The following KIRREL2 variants were observed in gnomAD, a reference collection of about 807,000 sequenced individuals.
KIRREL2 encodes the protein kin of IRRE-like protein 2.
In KIRREL2, 56 loss-of-function variants were observed where a neutral mutation model predicts 73.4. That is an observed-to-expected ratio of 0.76 (90% CI 0.62 to 0.95). The LOEUF (loss-of-function observed/expected upper bound fraction) is 0.95, where lower values mean the gene tolerates loss of function less well. Ranked by LOEUF, KIRREL2 falls within the 40% of genes least tolerant of loss-of-function variation. The pLI, the probability that KIRREL2 is intolerant of heterozygous loss-of-function variation, is 0.00. For synonymous variants in KIRREL2, 407 were observed against 404.0 expected, an observed-to-expected ratio of 1.01 and a Z score of -0.09; for missense variants, 896 against 935.0, an observed-to-expected ratio of 0.96 and a Z score of 0.54.
At chr19:35,854,131 C>T (rs1027975032), upstream of KIRREL2, among the ~76,000 whole-genome samples, 1 of 151,738 alleles carries the variant, frequency 6.6e-6, no homozygotes. Flanking sequence ...AGGTGGGAGC[C>T]GCTGCACCCC....
At chr19:35,859,703 T>C (rs1973582083) in intron 5 of KIRREL2, 72 bp downstream of exon 5, 10 of 1,554,070 alleles carry the variant, frequency 6.4e-6, no homozygotes, top group South Asian at 3.5e-5. Context: ...GAGGGGACTG[T>C]GGCCCTTGGG....
rs762984493 is a variant in KIRREL2 at position 35,857,089 on chromosome 19, G to A, written c.-31G>A. The stretch of plus-strand genomic sequence containing the variant: ...AAGAAGTTGACGGGAAGGCCAGTGC[G>A]ACGGCAAATCTCGTGAACCTTGGGG... On this transcript the variant is annotated 5_prime_UTR_variant, in exon 1 of 15. Coordinates refer to ENST00000360202, the MANE Select transcript of KIRREL2 (RefSeq NM_199180.4). 2.5e-6 allele frequency: 4 copies of A among 1,613,418 alleles called. No homozygotes were observed. The highest frequency in any genetic ancestry group is 1.1e-5 in the South Asian group (1 of 91,074).
At chr19:35,864,793 A>G in intron 14 of KIRREL2, 80 bp downstream of exon 14, 1 of 1,099,234 alleles carries the variant, frequency 9.1e-7, no homozygotes, top group Non-Finnish European at 1.4e-6. Flanking sequence ...TCTCTCTCCC[A>G]CGCCTGTCCC....
Position 35,861,018 on chromosome 19 carries a change from C to G in KIRREL2, c.1038C>G (p.Thr346=). 1 of 1,611,906 alleles carries G rather than the reference C, an allele frequency of 6.2e-7. No homozygotes were observed. Among genetic ancestry groups the G allele is most frequent in the Admixed American group, 1.7e-5 (1 of 59,466 alleles). The change falls in exon 8 of 15, where the codon ACC becomes ACG. Residue 346 remains threonine, a synonymous_variant. Transcript: ENST00000360202. The part of the protein sequence containing the change: ...RGNPLPRVTW[T]RRGGAQVLGS... ...ACCCGCTTCCACGGGTAACCTGGAC[C>G]CGCCGCGGTGGCGCGCAGGTACAGC... is the stretch of plus-strand genomic sequence containing the variant.
upstream of KIRREL2, chr19:35,851,930 C>T: frequency 1.9e-6 from 2 of 1,076,110 alleles, no homozygotes; most frequent in South Asian, 1.3e-5. Flanking sequence ...GTGTCTCTGC[C>T]ACCTGCTTTT....
chr19:35,854,702 T>C (rs751442453), upstream of KIRREL2, among the ~76,000 whole-genome samples: 1 of 152,182 alleles, frequency 6.6e-6, no homozygotes, highest in Non-Finnish European at 1.5e-5. Flanking sequence ...AGTCAATCTT[T>C]ATTTCACTGT....
upstream of KIRREL2, among the ~76,000 whole-genome samples, chr19:35,855,200 G>A (rs1288553563): frequency 1.3e-5 from 2 of 152,002 alleles, no homozygotes; most frequent in Non-Finnish European, 2.9e-5. Context: ...GAAATGGGCT[G>A]GATGCCGAGC....
chr19:35,858,327 G>A, intron 2 of KIRREL2, 81 bp from the exon 3 acceptor site: 1 of 1,523,384 alleles, frequency 6.6e-7, no homozygotes, highest in Non-Finnish European at 9.0e-7. Flanking sequence ...CCAGTTTTCT[G>A]GTGGAGGATG....
Position 35,862,958 on chromosome 19 carries a change from G to A in KIRREL2, c.1647G>A (p.Leu549=). ...CCTCTTTCTCCGAGCAAAAGAACCT[G>A]ATGCGAATCCCTGGCAGCAGCGACG... ...ASASFSEQKN[L]MRIPGSSDGS... is the part of the protein sequence containing the mutation. Residue 549 remains leucine, a synonymous_variant, in exon 13 of 15, where the codon CTG becomes CTA. Transcript: ENST00000360202. The A allele has an allele frequency of 6.3e-7, 1 of 1,586,742 alleles. No individual in the cohort carries two copies. The highest frequency in any genetic ancestry group is 1.2e-5 in the South Asian group (1 of 86,682).
Position 35,860,530 on chromosome 19 carries a change from G to A in KIRREL2, c.791G>A (p.Gly264Glu). Residue 264 changes from glycine to glutamate, a missense_variant, in exon 7 of 15, where the codon GGG becomes GAG. Transcript: ENST00000360202. ...PPVTGYRWAK[G>E]GSPVLGARGP... ...CACCATTTCCTCAGGTGGGCAAAAG[G>A]GGGCTCTCCGGTGCTCGGGGCCCGC... 6.2e-7 allele frequency: 1 copy of A among 1,602,966 alleles called. No homozygotes were observed. The highest frequency in any genetic ancestry group is 8.5e-7 in the Non-Finnish European group (1 of 1,179,894).
At position 35,866,143 on chromosome 19, in the gene KIRREL2, A is replaced by T; in HGVS notation, c.1792-14A>T. 6.3e-7 allele frequency: 1 copy of T among 1,593,280 alleles called. No individual in the cohort carries two copies. Among genetic ancestry groups the T allele is most frequent in the Non-Finnish European group, 8.5e-7 (1 of 1,175,004 alleles). On this transcript the variant is annotated splice_polypyrimidine_tract_variant and intron_variant, in intron 14 of 14. Transcript: ENST00000360202. ...ACGCTCACAGACTTTACTGAGTCCC[A>T]TTTGTCCCCTCAGGACCCAACCAAC...
At position 35,860,407 on chromosome 19, in the gene KIRREL2, G is replaced by A; in HGVS notation, c.779+5G>A. 1.2e-6 allele frequency: 2 copies of A among 1,612,240 alleles called. No individual in the cohort carries two copies. Among genetic ancestry groups the A allele is most frequent in the South Asian group, 2.2e-5 (2 of 91,058 alleles). On this transcript the variant is annotated splice_donor_5th_base_variant and intron_variant, in intron 6 of 14. Transcript: ENST00000360202. ...GCCTCCTGTCACAGGCTACAGGTGA[G>A]GACGAAGACCCACCTCTCCCCAGCC...
At chr19:35,857,223 G>T in intron 1 of KIRREL2, 43 bp downstream of exon 1, 1 of 1,496,066 alleles carries the variant, frequency 6.7e-7, no homozygotes, top group South Asian at 1.1e-5. Context: ...TGGGGGTGGG[G>T]AGTTGCTTGC....
upstream of KIRREL2, chr19:35,851,883 C>G (rs370444295): frequency 4.6e-6 from 7 of 1,518,994 alleles, no homozygotes; most frequent in Admixed American, 7.9e-5. Flanking sequence ...CTGCCAGCCA[C>G]CTGCGTCTGT....
rs1163919588 is a variant in KIRREL2 at position 35,861,569 on chromosome 19, T to C, written c.1218T>C (p.Ser406=). The C allele has an allele frequency of 5.0e-6, 8 of 1,613,750 alleles. No individual in the cohort carries two copies. The East Asian group carries it at 1.8e-4, about 36-fold the overall frequency. ...CCCCAGTAGTGACCGCCCTGCACTC[T>C]GCGCCTGCCTTCCTGAGGGGCCCTG... ...NAPPVVTALH[S]APAFLRGPAR... is the part of the protein sequence containing the mutation. The change falls in exon 10 of 15, where the codon TCT becomes TCC. Residue 406 remains serine (S), a synonymous_variant. Coordinates refer to ENST00000360202, the MANE Select transcript of KIRREL2 (RefSeq NM_199180.4).
Position 35,857,099 on chromosome 19 carries a change from C to T in KIRREL2, c.-21C>T, listed in dbSNP as rs756839944. 6.2e-6 allele frequency: 10 copies of T among 1,613,766 alleles called. No individual in the cohort carries two copies. Among genetic ancestry groups the T allele is most frequent in the Non-Finnish European group, 8.5e-6 (10 of 1,179,966 alleles). On this transcript the variant is annotated 5_prime_UTR_variant, in exon 1 of 15. Transcript: ENST00000360202. ...CGGGAAGGCCAGTGCGACGGCAAAT[C>T]TCGTGAACCTTGGGGGACGAATGCT...
In KIRREL2 at chr19:35,859,485, T is replaced by C; in HGVS notation, c.527T>C (p.Leu176Pro). ...TATTCTTATCCTTCCCTCCAGACCC[T>C]GCTGAAGGAAGGGACCCCTGGGTCA... The part of the protein sequence containing the change: ...LLDGATFHQT[L>P]LKEGTPGSVE... Residue 176 changes from leucine to proline, a missense_variant, in exon 5 of 15, where the codon CTG becomes CCG. By Grantham distance (98) the Leu-to-Pro change is moderately conservative. Coordinates refer to ENST00000360202, the MANE Select transcript of KIRREL2 (RefSeq NM_199180.4). 1 of 1,613,984 alleles carries C rather than the reference T, an allele frequency of 6.2e-7. No homozygotes were observed. The highest frequency in any genetic ancestry group is 8.5e-7 in the Non-Finnish European group (1 of 1,179,856).
chr19:35,856,879 G>A (rs1222392037), upstream of KIRREL2: 2 of 579,796 alleles, frequency 3.4e-6, no homozygotes, highest in Non-Finnish European at 6.2e-6. This position sits in a 1 kb window ranked among gnomAD's most constrained non-coding sequence, Gnocchi z 5.9. Context: ...CCCGGGCGGG[G>A]CGAGCGGGAT....
At position 35,858,569 on chromosome 19, in the gene KIRREL2, G is replaced by C. The variant is rs370828675; in HGVS notation, c.361+12G>C. On this transcript the variant is annotated intron_variant, in intron 3 of 14. Transcript: ENST00000360202. ...ACTGCACGTGCTGGGTAAGGACCTC[G>C]CCCACTTGTCCCCTGGGAGCCCAAG... 3.7e-6 allele frequency: 6 copies of C among 1,613,612 alleles called. No homozygotes were observed. In the East Asian group the frequency reaches 1.3e-4, roughly 36 times the overall value.
Sources: allele counts gnomAD v4.1 joint callset (sites outside exome capture counted in the v4.1 genomes callset), GRCh38; gene constraint gnomAD v4.1.1; non-coding constraint Gnocchi (gnomAD v3.1); transcripts MANE v1.5; gene names NCBI Gene and HGNC (gene_info 2026-07-23, HGNC 2026-07-21).